IFT140: variants seen among roughly 807,000 people sequenced by gnomAD.
IFT140 encodes the protein intraflagellar transport 140, also known as intraflagellar transport protein 140 homolog.
In IFT140, 133 loss-of-function variants were observed where a neutral mutation model predicts 164.6. The ratio of observed to expected loss-of-function variants is 0.81; its 90% CI spans 0.70 to 0.93. IFT140 has a LOEUF of 0.93. IFT140 is among the 40% of genes least tolerant of loss of function. IFT140 has a pLI of 0.00. For missense variants in IFT140, 2,045 were observed against 1,972.3 expected (o/e 1.04, Z -0.70); for synonymous variants, 860 against 817.3 (o/e 1.05, Z -0.89).
intron 19 of IFT140, among the ~76,000 whole-genome samples, chr16:1,547,278 A>G (rs112056876): frequency 0.023 from 3,577 of 152,254 alleles, 135 homozygotes; most frequent in African/African-American, 0.081. Flanking sequence ...GTCCGTCCCG[A>G]TGCCCCGTGA....
intron 8 of IFT140, 138 bp from the exon 9 acceptor site, chr16:1,587,442 C>T (rs2034946376): frequency 1.6e-6 from 1 of 636,380 alleles, no homozygotes; most frequent in Non-Finnish European, 2.8e-6. Context: ...TGAAAACGAA[C>T]ACTGCTGTTA....
At chr16:1,527,192 G>A (rs1351966377) in intron 19 of IFT140, among the ~76,000 whole-genome samples, 1 of 152,206 alleles carries the variant, frequency 6.6e-6, no homozygotes, top group Admixed American at 6.5e-5. Context: ...GAGATTGCAG[G>A]GCCCCTGGTA....
At chr16:1,607,904 C>G (rs544263752) in intron 2 of IFT140, among the ~76,000 whole-genome samples, 66 of 152,360 alleles carry the variant, frequency 4.3e-4, no homozygotes, top group African/African-American at 1.5e-3. Flanking sequence ...CTTGGCCTCC[C>G]AAAGTGCTGG....
At chr16:1,545,143 T>G (rs2032058615) in intron 19 of IFT140, among the ~76,000 whole-genome samples, 1 of 152,224 alleles carries the variant, frequency 6.6e-6, no homozygotes, top group South Asian at 2.1e-4. Context: ...CGAGCTGTCT[T>G]ACAGCATTCC....
rs773770580 is a variant in IFT140, at chr16:1,518,204, C to T, written c.4182+12G>A. 1 of 1,604,240 alleles carries T rather than the reference C, an allele frequency of 6.2e-7. No individual in the cohort carries two copies. The highest frequency in any genetic ancestry group is 8.5e-7 in the Non-Finnish European group (1 of 1,176,684). On this transcript the variant is annotated intron_variant, in intron 30 of 30. Coordinates refer to ENST00000426508, the MANE Select transcript of IFT140 (RefSeq NM_014714.4). ...GGCGGGATGCTGCTAGTGAGCAGCA[C>T]TCAGGCCTCACCGTCTGGTATTCCT...
chr16:1,528,461 ACACATGGATGCACACACAAG>A (rs2030041518), intron 19 of IFT140, among the ~76,000 whole-genome samples: 1 of 151,510 alleles, frequency 6.6e-6, no homozygotes, highest in African/African-American at 2.4e-5. Flanking sequence ...GCATGCACAC[ACACATGGATGCACACACAAG>A]CACATGCACT....
chr16:1,557,203 G>C (rs968869193), intron 19 of IFT140, among the ~76,000 whole-genome samples: 1 of 152,200 alleles, frequency 6.6e-6, no homozygotes, highest in African/African-American at 2.4e-5. Flanking sequence ...CAGAGGGGCC[G>C]GGCGGTGCTG....
intron 26 of IFT140, 34 bp from the exon 27 acceptor site, chr16:1,520,842 A>G (rs750119478): frequency 2.3e-5 from 37 of 1,581,062 alleles, no homozygotes; most frequent in Non-Finnish European, 7.7e-6. Context: ...GGGGCTGCCG[A>G]GGGGGCCGGG....
intron 20 of IFT140, 39 bp downstream of exon 20, chr16:1,526,580 T>C (rs760223896): frequency 2.0e-6 from 3 of 1,467,986 alleles, no homozygotes; most frequent in Non-Finnish European, 2.7e-6. Flanking sequence ...GTGGCAGGCG[T>C]GGTGCCTTCC....
intron 2 of IFT140, among the ~76,000 whole-genome samples, chr16:1,608,914 G>C (rs552449853): frequency 6.6e-6 from 1 of 152,026 alleles, no homozygotes; most frequent in Non-Finnish European, 1.5e-5. Context: ...CCAGCACTTT[G>C]GGAGGCCGAG....
rs142143011 is a variant in IFT140 at position 1,584,334 on chromosome 16, G to C, written c.1242C>G (p.His414Gln). 56 of 1,613,622 alleles carry C rather than the reference G, an allele frequency of 3.5e-5. No homozygotes were observed. The highest frequency in any genetic ancestry group is 4.7e-5 in the Non-Finnish European group (56 of 1,179,936). Residue 414 changes from histidine (H) to glutamine (Q), a missense_variant, in exon 11 of 31, where the codon CAC becomes CAG. Coordinates refer to ENST00000426508, the MANE Select transcript of IFT140 (RefSeq NM_014714.4). ...AGACCTGCATGGCGGCCACTTGCTG[G>C]TGGAAGTGTGACGACATGGCCCGCT... ...LSERAMSSHF[H>Q]QQVAAMQVSP... is the part of the protein sequence containing the mutation.
At chr16:1,524,208 G>A in intron 24 of IFT140, 3 of 619,344 alleles carry the variant, frequency 4.8e-6, no homozygotes, top group Non-Finnish European at 8.3e-6. Context: ...GGAAGCGAGA[G>A]CCCAGGTTGG....
At position 1,571,470 on chromosome 16, in the gene IFT140, C is replaced by T; in HGVS notation, c.1589G>A (p.Cys530Tyr). 6.2e-7 allele frequency: 1 copy of T among 1,614,164 alleles called. No homozygotes were observed. ...TGTCCCTACAACCAGGAAATTCCCA[C>T]AGATGTCCAAGAAGCAGGGATTCCC... ...TEGNPCFLDI[C>Y]GNFLVVGTDL... Residue 530 changes from cysteine to tyrosine, a missense_variant, in exon 14 of 31, where the codon TGT becomes TAT. Cys to Tyr is a radical substitution (Grantham distance 194). Transcript: ENST00000426508.
intron 19 of IFT140, among the ~76,000 whole-genome samples, chr16:1,539,451 C>A (rs1427199919): frequency 6.6e-6 from 1 of 152,272 alleles, no homozygotes; most frequent in Non-Finnish European, 1.5e-5. Context: ...GCCCCTTCCT[C>A]CAAGCACTCT....
intron 4 of IFT140, among the ~76,000 whole-genome samples, chr16:1,601,884 T>C (rs1384773468): frequency 6.6e-6 from 1 of 152,256 alleles, no homozygotes; most frequent in Non-Finnish European, 1.5e-5. Flanking sequence ...ATTTCTGCCA[T>C]ATATTTGTGA....
At chr16:1,511,754 T>G (rs1194001928) in intron 30 of IFT140, among the ~76,000 whole-genome samples, 1 of 151,886 alleles carries the variant, frequency 6.6e-6, no homozygotes, top group Non-Finnish European at 1.5e-5. Flanking sequence ...AGGGCAAACA[T>G]CCACACCTGA....
intron 15 of IFT140, among the ~76,000 whole-genome samples, chr16:1,567,328 A>G (rs2033772305): frequency 6.6e-6 from 1 of 152,200 alleles, no homozygotes; most frequent in Non-Finnish European, 1.5e-5. Context: ...CACCTGCATC[A>G]GCCTTGGCCC....
rs939995062 is a variant in IFT140, at chr16:1,541,483, G to A, written c.2400-14687C>T. On this transcript the variant is annotated intron_variant, in intron 19 of 30. Transcript: ENST00000426508. Reference sequence around the variant, plus strand: ...CACGCCTGAGGAGCTGGCCCCCCGCGGAGTCTCCGGTCAGGCAGCGCCCTC... The same window carrying A: ...CACGCCTGAGGAGCTGGCCCCCCGCAGAGTCTCCGGTCAGGCAGCGCCCTC... The A allele has an allele frequency of 2.7e-5, 27 of 985,314 alleles. No homozygotes were observed. In the African/African-American group the frequency reaches 2.8e-4, roughly 10 times the overall value. The allele number at this position is 985,314 out of a possible 1,614,324, so 61.0% of individuals were successfully genotyped here. A position where few individuals can be genotyped will look rare whatever the true frequency, so the allele number is the denominator to read the frequency against.
At position 1,523,599 on chromosome 16, in the gene IFT140, C is replaced by A. The variant is rs1173043770; in HGVS notation, c.3372G>T (p.Ala1124=). ...AEDLDETSDP[A]LLARCSDFFI... Reference sequence around the variant, plus strand: ...AGAAGTCGGAGCAGCGGGCCAGGAGCGCAGGGTCTGACGTCTCATCCAGGT... The same window carrying A: ...AGAAGTCGGAGCAGCGGGCCAGGAGAGCAGGGTCTGACGTCTCATCCAGGT... Residue 1124 remains alanine, a synonymous_variant, in exon 26 of 31, where the codon GCG becomes GCT. Transcript: ENST00000426508. The A allele has an allele frequency of 6.2e-7, 1 of 1,613,920 alleles. No homozygotes were observed. Among genetic ancestry groups the A allele is most frequent in the East Asian group, 2.2e-5 (1 of 44,876 alleles).
Sources: gnomAD v4.1 joint callset for allele counts (sites outside exome capture counted in the v4.1 genomes callset) on GRCh38, gnomAD v4.1.1 for gene constraint, MANE v1.5 for transcripts, NCBI Gene and HGNC (gene_info 2026-07-23, HGNC 2026-07-21) for gene names.